Variants in IGFBP7 observed in about 807,000 individuals in gnomAD.
IGFBP7 encodes the protein insulin like growth factor binding protein 7, also known as insulin-like growth factor-binding protein 7.
IGFBP7 carries 31 observed loss-of-function variants against 29.4 expected under a neutral mutation model. The observed-to-expected ratio is 1.05, with a 90% confidence interval of 0.79 to 1.42. The LOEUF is 1.42. Among genes scored for constraint, IGFBP7 ranks in the 40% most tolerant of loss-of-function variants. IGFBP7 has a pLI of 0.00. For missense variants in IGFBP7, 393 were observed against 395.5 expected (o/e 0.99, Z 0.05); for synonymous variants, 172 against 174.9 (o/e 0.98, Z 0.13).
intron 2 of IGFBP7, among the ~76,000 whole-genome samples, chr4:57,033,898 A>G (rs1724012292): frequency 6.6e-6 from 1 of 152,096 alleles, no homozygotes; most frequent in Non-Finnish European, 1.5e-5. Context: ...TAAAAACACA[A>G]AAATTAGCCG....
At chr4:57,053,109 C>G (rs1251234362) in intron 1 of IGFBP7, among the ~76,000 whole-genome samples, 3 of 151,868 alleles carry the variant, frequency 2.0e-5, no homozygotes, top group Non-Finnish European at 2.9e-5. Flanking sequence ...CCCTGCCTCC[C>G]AGGTTCAAGC....
chr4:57,041,844 G>A (rs1718877), intron 1 of IGFBP7, among the ~76,000 whole-genome samples: 87,254 of 151,912 alleles, frequency 0.57, 25,697 homozygotes, highest in East Asian at 0.75. Flanking sequence ...TGGCCAGGAG[G>A]CACCTTTGAA....
intron 4 of IGFBP7, 100 bp downstream of exon 4, chr4:57,032,326 T>G: frequency 6.6e-7 from 1 of 1,515,556 alleles, no homozygotes; most frequent in Non-Finnish European, 8.8e-7. Context: ...AACTACAGAA[T>G]TTCATCAATA....
At chr4:57,046,674 C>T (rs1724369018) in intron 1 of IGFBP7, among the ~76,000 whole-genome samples, 2 of 152,140 alleles carry the variant, frequency 1.3e-5, no homozygotes, top group African/African-American at 4.8e-5. Context: ...TTAAGAGCTC[C>T]AGACTGCTCA....
chr4:57,098,770 G>A (rs987197221), intron 1 of IGFBP7, among the ~76,000 whole-genome samples: 4 of 152,096 alleles, frequency 2.6e-5, no homozygotes, highest in Non-Finnish European at 5.9e-5. Context: ...TCCATCAAAC[G>A]CTCTATGGCT....
intron 2 of IGFBP7, among the ~76,000 whole-genome samples, chr4:57,037,111 CTATTTTT>C (rs908458510): frequency 6.6e-6 from 1 of 152,104 alleles, no homozygotes; most frequent in African/African-American, 2.4e-5. Flanking sequence ...AGGTTCTGTT[CTATTTTT>C]TATTTTTTAT....
intron 1 of IGFBP7, among the ~76,000 whole-genome samples, chr4:57,090,174 T>C (rs529707884): frequency 1.3e-5 from 2 of 152,328 alleles, no homozygotes; most frequent in East Asian, 3.9e-4. Context: ...ATCATTCTTC[T>C]CTTCCTCTTC....
chr4:57,108,973 T>C (rs1726103303), intron 1 of IGFBP7, among the ~76,000 whole-genome samples: 2 of 151,976 alleles, frequency 1.3e-5, no homozygotes, highest in African/African-American at 4.8e-5. Flanking sequence ...ACAATACAAA[T>C]CAAAGAAATA....
At chr4:57,070,124 T>C (rs899043607) in intron 1 of IGFBP7, among the ~76,000 whole-genome samples, 3 of 152,108 alleles carry the variant, frequency 2.0e-5, no homozygotes, top group African/African-American at 7.2e-5. Context: ...AGGTCCTCAG[T>C]GGGAACTATT....
intron 1 of IGFBP7, among the ~76,000 whole-genome samples, chr4:57,101,683 G>A (rs752617268): frequency 1.3e-5 from 2 of 151,764 alleles, no homozygotes; most frequent in South Asian, 2.1e-4. Flanking sequence ...ATAAGTAAAC[G>A]TTTCCCCCCC....
chr4:57,075,351 T>C (rs908157576), intron 1 of IGFBP7, among the ~76,000 whole-genome samples: 1 of 152,208 alleles, frequency 6.6e-6, no homozygotes, highest in African/African-American at 2.4e-5. Context: ...TCTTTTAAAA[T>C]AATGTTTCAT....
In IGFBP7 at chr4:57,040,826, T is replaced by A; in HGVS notation, c.583A>T (p.Lys195Ter). The A allele has an allele frequency of 6.2e-7, 1 of 1,603,570 alleles. No individual in the cohort carries two copies. Among genetic ancestry groups the A allele is most frequent in the Non-Finnish European group, 8.5e-7 (1 of 1,170,364 alleles). Residue 195 changes from lysine to a stop codon, truncating the protein, a stop_gained and splice_region_variant, in exon 2 of 5, where the codon AAG becomes TAG. Transcript: ENST00000295666. LOFTEE classifies it high-confidence loss of function. ...CTCTTAAAGTCTGTGCCACAGACCTTGTTCCAGATGAGGACAGGTGTCGGG... is the reference window on the plus strand; with the variant it reads ...CTCTTAAAGTCTGTGCCACAGACCTAGTTCCAGATGAGGACAGGTGTCGGG... ...GIPTPVLIWNKVKRGHYGVQR... is the reference protein window; with the variant it reads ...GIPTPVLIWN
At position 57,049,601 on chromosome 4, in the gene IGFBP7, G is replaced by A. The variant is rs111867193; in HGVS notation, c.476-8668C>T. Among the ~76,000 whole-genome samples the A allele has an allele frequency of 5.0e-4, 76 of 151,960 alleles. 1 individual carries two copies. Among genetic ancestry groups the A allele is most frequent in the African/African-American group, 1.6e-3 (67 of 41,428 alleles). On this transcript the variant is annotated intron_variant, in intron 1 of 4. Transcript: ENST00000295666. The stretch of plus-strand genomic sequence containing the variant: ...TTCATTTCTCTTTGACATTTTTTGC[G>A]GCCTGACAGCTTCAGGCTCCCCCTT...
At chr4:57,070,508 GA>G (rs1173035293) in intron 1 of IGFBP7, among the ~76,000 whole-genome samples, 4 of 152,178 alleles carry the variant, frequency 2.6e-5, no homozygotes, top group Non-Finnish European at 5.9e-5. Flanking sequence ...TTTGGGGACA[GA>G]AAAAAGTGCA....
At chr4:57,077,179 T>A (rs1725248407) in intron 1 of IGFBP7, among the ~76,000 whole-genome samples, 1 of 152,172 alleles carries the variant, frequency 6.6e-6, no homozygotes, top group South Asian at 2.1e-4. Context: ...CAAAGCAGAA[T>A]AAGGCATGCA....
intron 1 of IGFBP7, among the ~76,000 whole-genome samples, chr4:57,047,354 T>C (rs1344510487): frequency 6.6e-6 from 1 of 152,218 alleles, no homozygotes; most frequent in South Asian, 2.1e-4. Flanking sequence ...CCCAGCCTCA[T>C]GGAGCTGTGA....
At chr4:57,073,554 C>A (rs1180244621) in intron 1 of IGFBP7, among the ~76,000 whole-genome samples, 3 of 151,304 alleles carry the variant, frequency 2.0e-5, no homozygotes, top group African/African-American at 7.3e-5. Context: ...GAGATTCCTG[C>A]CAGTGCACTC....
At chr4:57,050,334 C>T (rs1272766317) in intron 1 of IGFBP7, among the ~76,000 whole-genome samples, 1 of 151,218 alleles carries the variant, frequency 6.6e-6, no homozygotes, top group Non-Finnish European at 1.5e-5. Context: ...AACCTCTGCC[C>T]TGTGGGTTCA....
intron 1 of IGFBP7, among the ~76,000 whole-genome samples, chr4:57,109,081 G>T (rs1164963969): frequency 1.3e-5 from 2 of 152,122 alleles, no homozygotes; most frequent in Non-Finnish European, 1.5e-5. Flanking sequence ...CAAATAATTA[G>T]CTAGTTAGAT....
Sources: gnomAD v4.1 joint callset for allele counts (sites outside exome capture counted in the v4.1 genomes callset) on GRCh38, gnomAD v4.1.1 for gene constraint, MANE v1.5 for transcripts, NCBI Gene and HGNC (gene_info 2026-07-23, HGNC 2026-07-21) for gene names.